The following MVB12B variants were observed in gnomAD, a reference collection of about 807,000 sequenced individuals.
The protein encoded by MVB12B is multivesicular body subunit 12B.
Under a neutral mutation model 41.6 loss-of-function variants are expected in MVB12B, and 16 were observed. The ratio of observed to expected loss-of-function variants is 0.38; its 90% confidence interval spans 0.26 to 0.58. MVB12B has a LOEUF of 0.58. Among genes scored for constraint, MVB12B ranks in the 20% least tolerant of loss-of-function variants. MVB12B has a pLI of 0.62. For synonymous variants in MVB12B, 133 were observed against 139.7 expected, an observed-to-expected ratio of 0.95 and a Z score of 0.34; for missense variants, 274 against 380.2, an observed-to-expected ratio of 0.72 and a Z score of 2.32.
chr9:126,500,393 A>C, intron 9 of MVB12B, among the ~76,000 whole-genome samples: 1 of 150,918 alleles, frequency 6.6e-6, no homozygotes, highest in African/African-American at 2.5e-5. Flanking sequence ...CCCTCCCCCA[A>C]CCAGTCCTTC....
rs1000819222 is a variant in MVB12B, at chr9:126,436,690, G to A, written c.757+14742G>A. ...GGTTCCTTAAATCCGTAGTGGCTCA[G>A]CATATAGTCCTTTGTCTGGCAGTCC... is the stretch of plus-strand genomic sequence containing the variant. On this transcript the variant is annotated intron_variant, in intron 7 of 9. Coordinates refer to ENST00000361171, the MANE Select transcript of MVB12B (RefSeq NM_033446.3). This position sits in a 1 kb window ranked among gnomAD's most constrained non-coding sequence, Gnocchi z 4.1. Among the ~76,000 whole-genome samples, 1 of 152,186 alleles carries A rather than the reference G, an allele frequency of 6.6e-6. No individual in the cohort carries two copies. Among genetic ancestry groups the A allele is most frequent in the Non-Finnish European group, 1.5e-5 (1 of 68,042 alleles).
chr9:126,422,824 G>A (rs909090129), intron 7 of MVB12B, among the ~76,000 whole-genome samples: 4 of 152,186 alleles, frequency 2.6e-5, no homozygotes, highest in Non-Finnish European at 4.4e-5. Flanking sequence ...CATAATTCTT[G>A]TCAGTATTAG....
intron 2 of MVB12B, among the ~76,000 whole-genome samples, chr9:126,380,221 T>G (rs1223159969): frequency 1.3e-5 from 2 of 152,036 alleles, no homozygotes; most frequent in East Asian, 3.9e-4. Flanking sequence ...TGGAAAGAAA[T>G]AGGAAGAAAG....
At chr9:126,431,971 A>G (rs1018248682) in intron 7 of MVB12B, among the ~76,000 whole-genome samples, 3 of 152,208 alleles carry the variant, frequency 2.0e-5, no homozygotes, top group African/African-American at 7.2e-5. Flanking sequence ...CCCACCTCCC[A>G]GGACTTAAAG....
intron 2 of MVB12B, among the ~76,000 whole-genome samples, chr9:126,361,269 G>T (rs1266950182): frequency 1.3e-5 from 2 of 151,956 alleles, no homozygotes; most frequent in East Asian, 3.8e-4. Flanking sequence ...TCTATACCAT[G>T]TATCTTTAGC....
intron 6 of MVB12B, among the ~76,000 whole-genome samples, chr9:126,418,219 G>C (rs1405983990): frequency 6.6e-6 from 1 of 152,074 alleles, no homozygotes; most frequent in African/African-American, 2.4e-5. Context: ...AGAGAACCTG[G>C]GGCGGGGGTT....
At chr9:126,467,539 C>T (rs939361694) in intron 7 of MVB12B, among the ~76,000 whole-genome samples, 2 of 152,180 alleles carry the variant, frequency 1.3e-5, no homozygotes, top group African/African-American at 4.8e-5. Context: ...AGATTTTCAC[C>T]TGCCACTTTT....
At chr9:126,463,983 C>T (rs1247022295) in intron 7 of MVB12B, among the ~76,000 whole-genome samples, 1 of 152,136 alleles carries the variant, frequency 6.6e-6, no homozygotes, top group African/African-American at 2.4e-5. Context: ...TGGAATGTCC[C>T]CGTTTCACAG....
chr9:126,329,346 G>A (rs557249046), intron 1 of MVB12B, among the ~76,000 whole-genome samples: 51 of 152,210 alleles, frequency 3.4e-4, no homozygotes, highest in South Asian at 2.1e-4. Flanking sequence ...AGGAGGTGGC[G>A]GTCCTCATGA....
chr9:126,378,621 C>G (rs536293166), intron 2 of MVB12B, among the ~76,000 whole-genome samples: 2 of 152,044 alleles, frequency 1.3e-5, no homozygotes, highest in East Asian at 1.9e-4. Context: ...TTCTCTCTCT[C>G]TCTTCTCTGT....
intron 7 of MVB12B, among the ~76,000 whole-genome samples, chr9:126,427,906 T>C (rs1441246229): frequency 2.0e-5 from 3 of 151,904 alleles, no homozygotes; most frequent in African/African-American, 2.4e-5. Context: ...CCTGAATCTA[T>C]CCTGGCAGAC....
intron 6 of MVB12B, among the ~76,000 whole-genome samples, chr9:126,411,642 C>T (rs912020035): frequency 2.0e-5 from 3 of 151,910 alleles, no homozygotes; most frequent in Admixed American, 6.6e-5. Context: ...AATTACAAAA[C>T]GAAACAAAAA....
At position 126,498,269 on chromosome 9, in the gene MVB12B, G is replaced by T. The variant is rs779732823; in HGVS notation, c.874-4908G>T. Among the ~76,000 whole-genome samples the T allele has an allele frequency of 1.3e-3, 199 of 152,296 alleles. 1 individual carries two copies. The highest frequency in any genetic ancestry group is 4.7e-3 in the Admixed American group (72 of 15,290). ...GGGGATGACTGGAGTGCTGAGCCGG[G>T]GGGGCTTGGAGAAGCAGACAGGTGG... On this transcript the variant is annotated intron_variant, in intron 9 of 9. Transcript: ENST00000361171.
At chr9:126,472,332 A>C (rs1833330849) in intron 7 of MVB12B, among the ~76,000 whole-genome samples, 1 of 152,018 alleles carries the variant, frequency 6.6e-6, no homozygotes, top group Non-Finnish European at 1.5e-5. Flanking sequence ...TCTCGTTGCC[A>C]GGCAAAGTTC....
intron 3 of MVB12B, 83 bp downstream of exon 3, chr9:126,381,254 T>G: frequency 1.0e-6 from 1 of 1,002,322 alleles, no homozygotes; most frequent in Admixed American, 1.9e-5. Context: ...TTTGTTGTTG[T>G]TGTGGTTTAT....
chr9:126,496,410 T>TCACC (rs1833836724), intron 9 of MVB12B, among the ~76,000 whole-genome samples: 1 of 107,418 alleles, frequency 9.3e-6, no homozygotes, highest in African/African-American at 3.7e-5. Context: ...ACCCACTCAC[T>TCACC]CACCCACCCA....
chr9:126,391,320 G>A lies in MVB12B; in HGVS notation c.410-746G>A, dbSNP rs1302141086. ...GCCCTGAAGAAAAGGGAACAGGAGT[G>A]GTTGTTCCAGAGTCAAATGATCTGG... On this transcript the variant is annotated intron_variant, in intron 4 of 9. Transcript: ENST00000361171. The surrounding 1 kb of genome is among the most constrained non-coding windows in gnomAD (Gnocchi z 4.4). Among the ~76,000 whole-genome samples, 1 of 152,204 alleles carries A rather than the reference G, an allele frequency of 6.6e-6. No individual in the cohort carries two copies. The highest frequency in any genetic ancestry group is 1.5e-5 in the Non-Finnish European group (1 of 68,036).
chr9:126,335,904 GC>G (rs1374993664), intron 1 of MVB12B, among the ~76,000 whole-genome samples: 1 of 152,240 alleles, frequency 6.6e-6, no homozygotes, highest in Non-Finnish European at 1.5e-5. Context: ...AATTTAGCCT[GC>G]CCCCCGTTAA....
intron 2 of MVB12B, among the ~76,000 whole-genome samples, chr9:126,368,427 T>G (rs1168851304): frequency 6.6e-6 from 1 of 152,208 alleles, no homozygotes; most frequent in Non-Finnish European, 1.5e-5. Flanking sequence ...TGCTTTTTCT[T>G]CCTTCTCTGC....
Sources: gnomAD v4.1 joint callset for allele counts (sites outside exome capture counted in the v4.1 genomes callset) on GRCh38, gnomAD v4.1.1 for gene constraint, Gnocchi (gnomAD v3.1) non-coding constraint, MANE v1.5 for transcripts, NCBI Gene and HGNC (gene_info 2026-07-23, HGNC 2026-07-21) for gene names.